ZNF710: variants seen among roughly 807,000 people sequenced by gnomAD.
ZNF710 encodes the protein zinc finger protein 710.
In ZNF710, 13 loss-of-function variants were observed where a neutral mutation model predicts 50.6. That is an observed-to-expected ratio of 0.26 (90% CI 0.17 to 0.41). ZNF710 has a LOEUF of 0.41. ZNF710 is among the 10% of genes least tolerant of loss of function. The pLI is 1.00. For missense variants in ZNF710, 721 were observed against 936.6 expected (o/e 0.77, Z 3.01); for synonymous variants, 383 against 397.0 (o/e 0.96, Z 0.42).
At chr15:90,063,927 G>A (rs1316182424) in intron 1 of ZNF710, among the ~76,000 whole-genome samples, 2 of 152,182 alleles carry the variant, frequency 1.3e-5, no homozygotes, top group Non-Finnish European at 2.9e-5. Flanking sequence ...TGAGTCAGGA[G>A]CCTCTTCCCC....
chr15:90,036,894 A>G (rs917145856), intron 1 of ZNF710, among the ~76,000 whole-genome samples: 1 of 152,168 alleles, frequency 6.6e-6, no homozygotes, highest in African/African-American at 2.4e-5. Flanking sequence ...ACATCGGGGA[A>G]TTCTCCGGCC....
chr15:90,032,695 T>C (rs1315197519), intron 1 of ZNF710, among the ~76,000 whole-genome samples: 2 of 151,682 alleles, frequency 1.3e-5, no homozygotes, highest in East Asian at 3.9e-4. Context: ...GGAGAATTGC[T>C]TGAACCCAGG....
chr15:90,022,627 G>A (rs1377051290), intron 1 of ZNF710, among the ~76,000 whole-genome samples: 1 of 152,222 alleles, frequency 6.6e-6, no homozygotes, highest in Non-Finnish European at 1.5e-5. Flanking sequence ...GAGACTTGGG[G>A]CTTGTGTTGT....
intron 1 of ZNF710, among the ~76,000 whole-genome samples, chr15:90,020,908 A>G (rs1295029266): frequency 1.3e-5 from 2 of 151,968 alleles, no homozygotes; most frequent in Admixed American, 1.3e-4. Context: ...TCTTTAATCA[A>G]TTAAGATTTG....
intron 1 of ZNF710, among the ~76,000 whole-genome samples, chr15:90,065,724 G>A (rs1274132854): frequency 2.6e-5 from 4 of 152,218 alleles, no homozygotes; most frequent in Non-Finnish European, 5.9e-5. Flanking sequence ...ACCTGGGCAC[G>A]TGGGCACATT....
chr15:90,000,137 A>G (rs1897978419), upstream of ZNF710, among the ~76,000 whole-genome samples: 1 of 151,902 alleles, frequency 6.6e-6, no homozygotes, highest in African/African-American at 2.4e-5. Context: ...AATGTGACCA[A>G]CTTTGCTTTG....
At chr15:90,043,058 C>T (rs1899348188) in intron 1 of ZNF710, among the ~76,000 whole-genome samples, 1 of 152,378 alleles carries the variant, frequency 6.6e-6, no homozygotes, top group East Asian at 1.9e-4. Flanking sequence ...GGAGCAGTCC[C>T]TCGAGGGGAC....
chr15:90,000,944 C>T (rs1170016860), upstream of ZNF710, among the ~76,000 whole-genome samples: 5 of 152,012 alleles, frequency 3.3e-5, no homozygotes, highest in Non-Finnish European at 5.9e-5. Flanking sequence ...CTGCCTCTTC[C>T]CCGCTTCAGT....
chr15:90,060,495 A>G (rs1257613540), intron 1 of ZNF710, among the ~76,000 whole-genome samples: 3 of 152,116 alleles, frequency 2.0e-5, no homozygotes, highest in East Asian at 3.9e-4. Context: ...TTGAGGCTGC[A>G]GTGAGCTATG....
At chr15:90,002,873 G>A (rs1475182165) in intron 1 of ZNF710, among the ~76,000 whole-genome samples, 10 of 152,068 alleles carry the variant, frequency 6.6e-5, no homozygotes, top group Non-Finnish European at 1.0e-4. Flanking sequence ...AGTATCCGGG[G>A]TGCCTTTTCT....
rs1446702084 is a variant in ZNF710 at position 90,071,682 on chromosome 15, T to TA, written c.1459-1389_1459-1388insA. Among the ~76,000 whole-genome samples the TA allele has an allele frequency of 2.0e-5, 3 of 147,332 alleles. No homozygotes were observed. The East Asian group carries it at 5.9e-4, about 29-fold the overall frequency. ...CTTTTATTTATTTATTTTTACTCTT[T>TA]TTTTTTTTTTTTTTGAGACGGAGGC... On this transcript the variant is annotated intron_variant, in intron 2 of 4. Transcript: ENST00000268154.
chr15:90,008,441 C>CGTATATAT (rs1220498890), intron 1 of ZNF710, among the ~76,000 whole-genome samples: 122 of 126,410 alleles, frequency 9.7e-4, no homozygotes, highest in African/African-American at 4.5e-3. Flanking sequence ...TATATATATA[C>CGTATATAT]ATATATATAT....
In ZNF710 at chr15:90,034,217, GAA is replaced by G. The variant is rs1338951395; in HGVS notation, c.-29+32606_-29+32607del. Among the ~76,000 whole-genome samples the G allele has an allele frequency of 1.3e-5, 2 of 151,750 alleles. No homozygotes were observed. The highest frequency in any genetic ancestry group is 6.6e-5 in the Admixed American group (1 of 15,212). ...TGTCTCAAAAAAAAAGAAAAGAAAA[GAA>G]AAGAAAAGAAAACAGGTGAACGACA... On this transcript the variant is annotated intron_variant, in intron 1 of 4. Transcript: ENST00000268154. This position sits in a 1 kb window ranked among gnomAD's most constrained non-coding sequence, Gnocchi z 4.0.
intron 1 of ZNF710, among the ~76,000 whole-genome samples, chr15:90,008,453 T>TATATATATATATAC (rs1898208603): frequency 7.8e-6 from 1 of 127,952 alleles, no homozygotes; most frequent in African/African-American, 3.6e-5. Flanking sequence ...TATATATATA[T>TATATATATATATAC]GTATATATAT....
Position 90,068,475 on chromosome 15 carries a change from C to A in ZNF710, c.1338C>A (p.Tyr446Ter). 6.2e-7 allele frequency: 1 copy of A among 1,614,120 alleles called. No homozygotes were observed. Among genetic ancestry groups the A allele is most frequent in the Non-Finnish European group, 8.5e-7 (1 of 1,180,048 alleles). ...TCGAGTGTGACAAGTCCTTCCACTA[C>A]CGCAGCCAGTTGCAGAACCACATGC... is the stretch of plus-strand genomic sequence containing the variant. ...QCLECDKSFHYRSQLQNHMLK... is the reference protein window; with the variant it reads ...QCLECDKSFH Residue 446 changes from tyrosine to a stop codon, truncating the protein, a stop_gained, in exon 2 of 5, where the codon TAC becomes TAA. Transcript: ENST00000268154. LOFTEE classifies it high-confidence loss of function. This position sits in a 1 kb window ranked among gnomAD's most constrained non-coding sequence, Gnocchi z 5.0.
chr15:90,030,310 CA>C (rs1204003476), intron 1 of ZNF710, among the ~76,000 whole-genome samples: 1 of 70,852 alleles, frequency 1.4e-5, no homozygotes, highest in Non-Finnish European at 2.6e-5. Flanking sequence ...GCCTGGGCAA[CA>C]AGAGCAAAAC....
chr15:90,000,956 A>C (rs1897995349), upstream of ZNF710, among the ~76,000 whole-genome samples: 1 of 152,044 alleles, frequency 6.6e-6, no homozygotes, highest in Non-Finnish European at 1.5e-5. Flanking sequence ...CGCTTCAGTT[A>C]ATCTTTGTTC....
chr15:90,024,443 C>T (rs974065808), intron 1 of ZNF710, among the ~76,000 whole-genome samples: 27 of 152,216 alleles, frequency 1.8e-4, no homozygotes, highest in African/African-American at 3.6e-4. Context: ...GCTTCTTCCT[C>T]CCATCTGGTC....
chr15:90,038,054 T>C (rs1430040842), intron 1 of ZNF710, among the ~76,000 whole-genome samples: 1 of 152,210 alleles, frequency 6.6e-6, no homozygotes, highest in African/African-American at 2.4e-5. Flanking sequence ...AGGTACTGAT[T>C]TCCCCTCGAC....
Sources: allele counts gnomAD v4.1 joint callset (sites outside exome capture counted in the v4.1 genomes callset), GRCh38; gene constraint gnomAD v4.1.1; non-coding constraint Gnocchi (gnomAD v3.1); transcripts MANE v1.5; gene names NCBI Gene and HGNC (gene_info 2026-07-23, HGNC 2026-07-21).